The following AP2A1 variants were observed in gnomAD, a reference collection of about 807,000 sequenced individuals.
The protein encoded by AP2A1 is adaptor related protein complex 2 subunit alpha 1, also known as AP-2 complex subunit alpha-1.
A neutral mutation model predicts 107.3 loss-of-function variants in AP2A1; 21 were observed. That is an observed-to-expected ratio of 0.20 (90% confidence interval 0.14 to 0.28). AP2A1 has a LOEUF of 0.28. Among genes scored for constraint, AP2A1 ranks in the 10% least tolerant of loss-of-function variants. The pLI, the probability that AP2A1 is intolerant of heterozygous loss-of-function variation, is 1.00. For missense variants in AP2A1, 873 were observed against 1,307.7 expected (o/e 0.67, Z 5.13); for synonymous variants, 602 against 564.8 (o/e 1.07, Z -0.93).
chr19:49,803,052 C>A (rs745873455), intron 16 of AP2A1, 47 bp downstream of exon 16: 1 of 1,613,644 alleles, frequency 6.2e-7, no homozygotes, highest in South Asian at 1.1e-5. Context: ...AGGTGCGGAG[C>A]CCAGGCCAGG....
intron 1 of AP2A1, among the ~76,000 whole-genome samples, chr19:49,771,745 C>T (rs2084560387): frequency 6.6e-6 from 1 of 151,954 alleles, no homozygotes; most frequent in African/African-American, 2.4e-5. Flanking sequence ...AAAGAATTTG[C>T]AGCTGTCCTA....
rs374603202 is a variant in AP2A1, at chr19:49,798,777, G to A, written c.815-25G>A. On this transcript the variant is annotated intron_variant, in intron 7 of 22. Coordinates refer to ENST00000354293, the MANE Select transcript of AP2A1 (RefSeq NM_130787.3). ...TGCCAGGTGGGCAGGACACTCAGCCGGGGGCGTCCCCTTCGTTTCCCCAGA... is the reference window on the plus strand; with the variant it reads ...TGCCAGGTGGGCAGGACACTCAGCCAGGGGCGTCCCCTTCGTTTCCCCAGA... 24 of 1,595,126 alleles carry A rather than the reference G, an allele frequency of 1.5e-5. No homozygotes were observed. In the East Asian group the frequency reaches 2.3e-4, roughly 15 times the overall value.
chr19:49,803,312 C>T lies in AP2A1; in HGVS notation c.2280C>T (p.Asn760=). 6.2e-7 allele frequency: 1 copy of T among 1,613,956 alleles called. No individual in the cohort carries two copies. Among genetic ancestry groups the T allele is most frequent in the Non-Finnish European group, 8.5e-7 (1 of 1,179,886 alleles). Residue 760 remains asparagine, a synonymous_variant, in exon 18 of 23, where the codon AAC becomes AAT. Transcript: ENST00000354293. ...GCCGCATGTATCTCTTCTATGGCAA[C>T]AAGACCTCGGTGCAGTTCCAGAATT... ...NLGRMYLFYG[N]KTSVQFQNFS... is the part of the protein sequence containing the mutation.
intron 18 of AP2A1, chr19:49,805,068 G>T (rs2073344820): frequency 5.5e-6 from 1 of 181,484 alleles, no homozygotes; most frequent in African/African-American, 2.3e-5. Context: ...CACCATGCCT[G>T]GCTAATTTTT....
chr19:49,768,633 G>A (rs1314168754), intron 1 of AP2A1, among the ~76,000 whole-genome samples: 2 of 152,112 alleles, frequency 1.3e-5, no homozygotes, highest in Admixed American at 1.3e-4. Flanking sequence ...GGTGCTCAGG[G>A]AACAGGAGGG....
chr19:49,791,816 C>A, intron 4 of AP2A1, 119 bp from the exon 5 acceptor site: 1 of 1,345,420 alleles, frequency 7.4e-7, no homozygotes, highest in Non-Finnish European at 1.0e-6. Context: ...GGCCGCCTGG[C>A]TGTCTGTCCC....
intron 1 of AP2A1, among the ~76,000 whole-genome samples, chr19:49,772,048 AG>A (rs1302651259): frequency 6.6e-6 from 1 of 151,988 alleles, no homozygotes; most frequent in Non-Finnish European, 1.5e-5. Flanking sequence ...TTGGCAACAT[AG>A]CAAGACCCTG....
chr19:49,793,962 A>G (rs1286763512), intron 6 of AP2A1, among the ~76,000 whole-genome samples: 1 of 125,812 alleles, frequency 7.9e-6, no homozygotes, highest in Non-Finnish European at 1.5e-5. Flanking sequence ...GCTGGAGTGC[A>G]GTGGCGCGAT....
In AP2A1 at chr19:49,772,065, CTT is replaced by C. The variant is rs969181079; in HGVS notation, c.67+4867_67+4868del. Among the ~76,000 whole-genome samples, 23 of 152,008 alleles carry C rather than the reference CTT, an allele frequency of 1.5e-4. 1 individual carries two copies. Among genetic ancestry groups the C allele is most frequent in the Admixed American group, 1.4e-3 (22 of 15,250 alleles). On this transcript the variant is annotated intron_variant, in intron 1 of 22. Transcript: ENST00000354293. ...GGCAACATAGCAAGACCCTGTCTCT[CTT>C]TCTTTTTTTTGACAGAGTCTGGCTC...
chr19:49,781,957 C>T lies in AP2A1; in HGVS notation c.147C>T (p.Ala49=), dbSNP rs766274727. The T allele has an allele frequency of 2.4e-5, 39 of 1,612,694 alleles. 1 individual carries two copies. The highest frequency in any genetic ancestry group is 3.1e-5 in the Non-Finnish European group (37 of 1,179,496). The stretch of plus-strand genomic sequence containing the variant: ...CTTCCTCTGCCCTAGGAGACAAAGC[C>T]TTGGATGGCTACAGTAAGAAAAAAT... ...NIRSKFKGDK[A]LDGYSKKKYV... Residue 49 remains alanine (A), a synonymous_variant, in exon 3 of 23, where the codon GCC becomes GCT. Coordinates refer to ENST00000354293, the MANE Select transcript of AP2A1 (RefSeq NM_130787.3).
At chr19:49,793,584 A>C (rs1489530440) in intron 6 of AP2A1, among the ~76,000 whole-genome samples, 1 of 152,064 alleles carries the variant, frequency 6.6e-6, no homozygotes, top group Non-Finnish European at 1.5e-5. Flanking sequence ...GCCAGGCTCC[A>C]TGTCGGGTGA....
intron 1 of AP2A1, among the ~76,000 whole-genome samples, chr19:49,777,076 G>GA (rs563994455): frequency 7.7e-4 from 107 of 138,922 alleles, no homozygotes; most frequent in East Asian, 1.3e-3. Flanking sequence ...TAAAAATGCG[G>GA]AAAAAAAAAA....
chr19:49,806,471 ACCTTTCCATAT>A lies in AP2A1; in HGVS notation c.2791-201_2791-191del, dbSNP rs1464582642. On this transcript the variant is annotated intron_variant, in intron 22 of 22. Coordinates refer to ENST00000354293, the MANE Select transcript of AP2A1 (RefSeq NM_130787.3). ...CTCTTCCTGTCCCTCCCTGATTTCTACCTTTCCATATCCTTTCCACCTTTCTCTCATCTTTT... is the reference window on the plus strand; with the variant it reads ...CTCTTCCTGTCCCTCCCTGATTTCTACCTTTCCACCTTTCTCTCATCTTTT... 6.3e-6 allele frequency: 9 copies of A among 1,436,684 alleles called. No homozygotes were observed. The African/African-American group carries it at 1.0e-4, about 16-fold the overall frequency. The allele number at this position is 1,436,684 out of a possible 1,614,324, so 89.0% of individuals were successfully genotyped here.
intron 4 of AP2A1, among the ~76,000 whole-genome samples, chr19:49,790,869 G>A (rs1285968212): frequency 6.6e-6 from 1 of 152,280 alleles, no homozygotes; most frequent in Non-Finnish European, 1.5e-5. Flanking sequence ...ACCTGTGGGA[G>A]TGCTGGACAG....
intron 1 of AP2A1, among the ~76,000 whole-genome samples, chr19:49,780,603 G>A (rs1050086497): frequency 1.3e-5 from 2 of 152,186 alleles, no homozygotes; most frequent in Admixed American, 1.3e-4. Flanking sequence ...ATGGAAACAC[G>A]AGGGAGGCAA....
chr19:49,769,801 G>A (rs920617179), intron 1 of AP2A1, among the ~76,000 whole-genome samples: 1 of 152,162 alleles, frequency 6.6e-6, no homozygotes, highest in African/African-American at 2.4e-5. Context: ...AAATTAGGAG[G>A]GTGTTGCAGG....
At chr19:49,799,000 G>A (rs780271268) in intron 8 of AP2A1, 48 bp downstream of exon 8, 1 of 1,549,034 alleles carries the variant, frequency 6.5e-7, no homozygotes, top group South Asian at 1.2e-5. Flanking sequence ...CCAGGAAAGA[G>A]GGGCATGGAG....
chr19:49,786,305 C>T (rs558859068), intron 4 of AP2A1, among the ~76,000 whole-genome samples: 16 of 152,354 alleles, frequency 1.1e-4, no homozygotes, highest in Non-Finnish European at 1.9e-4. Context: ...ACCTGATCCA[C>T]ACAAAATATT....
chr19:49,805,841 G>C (rs780430258), intron 20 of AP2A1, 31 bp from the exon 21 acceptor site: 5 of 1,613,376 alleles, frequency 3.1e-6, no homozygotes, highest in Admixed American at 3.3e-5. Flanking sequence ...GGGCCGTCCA[G>C]GTCCCTGACT....
Sources: allele counts gnomAD v4.1 joint callset (sites outside exome capture counted in the v4.1 genomes callset), GRCh38; gene constraint gnomAD v4.1.1; transcripts MANE v1.5; gene names NCBI Gene and HGNC (gene_info 2026-07-23, HGNC 2026-07-21).